Variants in NOL7 observed in about 807,000 individuals in gnomAD.
NOL7 encodes U3 small nucleolar RNA-associated protein NOL7.
A neutral mutation model predicts 38.4 loss-of-function variants in NOL7; 36 were observed. The observed-to-expected ratio is 0.94, with a 90% CI of 0.72 to 1.24. The LOEUF (loss-of-function observed/expected upper bound fraction) is 1.24. Among genes scored for constraint, NOL7 ranks in the 50% most tolerant of loss-of-function variants. NOL7 has a pLI of 0.00. For synonymous variants in NOL7, 142 were observed against 126.5 expected (o/e 1.12, Z -0.82); for missense variants, 350 against 315.1 (o/e 1.11, Z -0.84).
chr6:13,619,925 G>C (rs1372733475), intron 5 of NOL7, among the ~76,000 whole-genome samples: 1 of 152,202 alleles, frequency 6.6e-6, no homozygotes, highest in East Asian at 1.9e-4. Flanking sequence ...GGGAGGCCGA[G>C]GCTGGTGGAT....
chr6:13,629,913 C>CG (rs1343903835), intron 8 of NOL7, among the ~76,000 whole-genome samples: 19 of 125,054 alleles, frequency 1.5e-4, no homozygotes, highest in East Asian at 3.4e-4. Context: ...CTCTCTCTCT[C>CG]TCTCTCTCGT....
At position 13,615,834 on chromosome 6, in the gene NOL7, T is replaced by G. The variant is rs571381391; in HGVS notation, c.327+62T>G. The G allele has an allele frequency of 6.2e-5, 93 of 1,506,218 alleles. 3 individuals are homozygous for G. In the South Asian group the frequency reaches 1.1e-3, roughly 18 times the overall value. The allele number at this position is 1,506,218 out of a possible 1,614,324, so 93.3% of individuals were successfully genotyped here. On this transcript the variant is annotated intron_variant, in intron 2 of 7. Transcript: ENST00000451315. ...CTCGGCTCAGGGAGAATTCCTATGG[T>G]GGATGTAATTTGGGTTGGCAGGATA...
At chr6:13,623,022 C>T (rs1449262191), downstream of NOL7, among the ~76,000 whole-genome samples, 2 of 152,134 alleles carry the variant, frequency 1.3e-5, no homozygotes, top group Non-Finnish European at 1.5e-5. Flanking sequence ...AGTGAGAGAA[C>T]ATACAGCAGA....
rs770549608 is a variant in NOL7, at chr6:13,615,375, C to T, written c.17C>T (p.Pro6Leu). The T allele has an allele frequency of 2.6e-6, 4 of 1,513,926 alleles. No individual in the cohort carries two copies. The highest frequency in any genetic ancestry group is 3.5e-6 in the Non-Finnish European group (4 of 1,133,438). The allele number at this position is 1,513,926 out of a possible 1,614,324, so 93.8% of individuals were successfully genotyped here. MVQLR[P>L]RASRAPASAE... The stretch of plus-strand genomic sequence containing the variant: ...GCGTGGGCCATGGTGCAGCTCCGAC[C>T]GCGAGCGTCTCGCGCCCCGGCGTCG... The change falls in exon 1 of 8, where the codon CCG (proline) becomes CTG (leucine). Residue 6 changes from proline (P) to leucine (L), a missense_variant. Pro to Leu is a moderately conservative substitution (Grantham distance 98, BLOSUM62 -3). Transcript: ENST00000451315.
In NOL7 at chr6:13,616,509, C is replaced by T. The variant is rs995716706; in HGVS notation, c.374C>T (p.Ala125Val). 1 of 1,606,604 alleles carries T rather than the reference C, an allele frequency of 6.2e-7. No homozygotes were observed. Among genetic ancestry groups the T allele is most frequent in the Non-Finnish European group, 8.5e-7 (1 of 1,175,820 alleles). The part of the protein sequence containing the change: ...PDTILEKLTT[A>V]SQTNIKKSPG... ...ACTATTTTGGAGAAGTTAACCACAGCTTCACAGACTAAGTAAGTAATGGAT... is the reference window on the plus strand; with the variant it reads ...ACTATTTTGGAGAAGTTAACCACAGTTTCACAGACTAAGTAAGTAATGGAT... Residue 125 changes from alanine (A) to valine (V), a missense_variant, in exon 3 of 8, where the codon GCT (alanine) becomes GTT (valine). Physicochemically the swap from Ala to Val is moderately conservative, Grantham distance 64. Transcript: ENST00000451315.
intron 3 of NOL7, among the ~76,000 whole-genome samples, 176 bp downstream of exon 3, chr6:13,616,697 C>T (rs1008364431): frequency 3.9e-5 from 6 of 152,164 alleles, no homozygotes; most frequent in African/African-American, 1.4e-4. Context: ...TCTTATTTTA[C>T]CATTTATTTT....
intron 5 of NOL7, among the ~76,000 whole-genome samples, chr6:13,619,889 G>C (rs920939761): frequency 1.3e-5 from 2 of 152,226 alleles, no homozygotes; most frequent in African/African-American, 4.8e-5. Context: ...GGGCACGGTG[G>C]CTCATGCCTG....
Position 13,617,816 on chromosome 6 carries a change from A to C in NOL7, c.418+15A>C. The C allele has an allele frequency of 6.2e-7, 1 of 1,610,884 alleles. No individual in the cohort carries two copies. The highest frequency in any genetic ancestry group is 1.1e-5 in the South Asian group (1 of 91,026). On this transcript the variant is annotated intron_variant, in intron 4 of 7. Transcript: ENST00000451315. Reference sequence around the variant, plus strand: ...GGTGAAAGAAGGTATGACTATTCTAATTTAACTAACTTCTCATGTAAGTGT... The same window carrying C: ...GGTGAAAGAAGGTATGACTATTCTACTTTAACTAACTTCTCATGTAAGTGT...
intron 2 of NOL7, among the ~76,000 whole-genome samples, 154 bp downstream of exon 2, chr6:13,615,926 G>A (rs1047688043): frequency 3.3e-5 from 5 of 152,192 alleles, no homozygotes; most frequent in African/African-American, 1.2e-4. Context: ...GGCCGGGCGC[G>A]GCAGTACTTT....
chr6:13,622,391 A>C, downstream of NOL7: 1 of 1,598,076 alleles, frequency 6.3e-7, no homozygotes, highest in Admixed American at 1.7e-5. Flanking sequence ...ACTGTGGCAA[A>C]TGCGCAGGAT....
At chr6:13,618,549 G>T (rs986846544) in intron 5 of NOL7, among the ~76,000 whole-genome samples, 1 of 152,156 alleles carries the variant, frequency 6.6e-6, no homozygotes, top group Non-Finnish European at 1.5e-5. Flanking sequence ...GCCCGGCCGG[G>T]AAAATATTTT....
Position 13,621,711 on chromosome 6 carries a change from T to C in NOL7, c.*884T>C, listed in dbSNP as rs1764451889. The C allele has an allele frequency of 6.6e-6, 1 of 152,636 alleles. No individual in the cohort carries two copies. The highest frequency in any genetic ancestry group is 1.5e-5 in the Non-Finnish European group (1 of 68,034). 9.5% of individuals were successfully genotyped at this position (152,636 alleles called of 1,614,324 possible). On this transcript the variant is annotated 3_prime_UTR_variant, in exon 8 of 8. Coordinates refer to ENST00000451315, the MANE Select transcript of NOL7 (RefSeq NM_016167.5). ...AATACAACAGTTAAACTTGTGAGTC[T>C]ACAACAGAAGTCATCTGTAGTTAAA...
Position 13,621,014 on chromosome 6 carries a change from A to G in NOL7, c.*187A>G. On this transcript the variant is annotated 3_prime_UTR_variant, in exon 8 of 8. Transcript: ENST00000451315. ...AGAGGAAAAAGTGGTTTAAGAAGGA[A>G]TTGTTTTCTTTTTAATATATTTAAC... The G allele has an allele frequency of 2.4e-6, 1 of 418,068 alleles. No individual in the cohort carries two copies. The highest frequency in any genetic ancestry group is 3.9e-5 in the East Asian group (1 of 25,792). The allele number at this position is 418,068 out of a possible 1,614,324, so 25.9% of individuals were successfully genotyped here.
At chr6:13,626,323 C>T (rs1764601429), downstream of NOL7, among the ~76,000 whole-genome samples, 1 of 152,200 alleles carries the variant, frequency 6.6e-6, no homozygotes, top group African/African-American at 2.4e-5. Flanking sequence ...TGACAGTCGT[C>T]TTCTTTTCAA....
At chr6:13,622,593 C>T, downstream of NOL7, 2 of 1,204,052 alleles carry the variant, frequency 1.7e-6, no homozygotes, top group Non-Finnish European at 2.2e-6. Context: ...AACTACCACT[C>T]CCATACCACT....
downstream of NOL7, among the ~76,000 whole-genome samples, chr6:13,625,416 A>T (rs1176920152): frequency 2.0e-5 from 3 of 152,104 alleles, no homozygotes; most frequent in Non-Finnish European, 4.4e-5. Context: ...GCACACAAAA[A>T]CTTCTATTTC....
At chr6:13,628,608 AAACT>A (rs1264043535) in intron 8 of NOL7, among the ~76,000 whole-genome samples, 3 of 152,216 alleles carry the variant, frequency 2.0e-5, no homozygotes, top group East Asian at 1.9e-4. Flanking sequence ...GTAAGCAACA[AAACT>A]AACAGAGCCT....
chr6:13,620,627 G>GT, intron 7 of NOL7, 127 bp from the exon 8 acceptor site: 1 of 974,748 alleles, frequency 1.0e-6, no homozygotes. Flanking sequence ...GGTCAATGTA[G>GT]TATGTATATA....
chr6:13,626,020 A>G (rs1310467723), downstream of NOL7, among the ~76,000 whole-genome samples: 1 of 151,924 alleles, frequency 6.6e-6, no homozygotes, highest in African/African-American at 2.4e-5. Context: ...ACAAAACAGG[A>G]AAAAAAAATT....
Sources: allele counts gnomAD v4.1 joint callset (sites outside exome capture counted in the v4.1 genomes callset), GRCh38; gene constraint gnomAD v4.1.1; transcripts MANE v1.5; gene names NCBI Gene and HGNC (gene_info 2026-07-23, HGNC 2026-07-21).